Variants in GDA observed in about 807,000 individuals in gnomAD.
GDA encodes guanine deaminase, also known as cytoplasmic PSD-95 interactor.
In GDA, 18 loss-of-function variants were observed where a neutral mutation model predicts 59.6. That is an observed-to-expected ratio of 0.30 (90% CI 0.21 to 0.45). GDA has a LOEUF of 0.45. Ranked by LOEUF, GDA falls within the 20% of genes least tolerant of loss-of-function variation. The pLI is 1.00. For synonymous variants in GDA, 201 were observed against 201.1 expected, an observed-to-expected ratio of 1.00 and a Z score of 0.00; for missense variants, 427 against 552.3, an observed-to-expected ratio of 0.77 and a Z score of 2.27.
intron 2 of GDA, among the ~76,000 whole-genome samples, chr9:72,197,856 C>T (rs946508708): frequency 6.6e-6 from 1 of 152,130 alleles, no homozygotes; most frequent in Non-Finnish European, 1.5e-5. Context: ...CACAGTGTAT[C>T]TACAGGTCTA....
At chr9:72,206,483 A>G in intron 3 of GDA, among the ~76,000 whole-genome samples, 1 of 152,154 alleles carries the variant, frequency 6.6e-6, no homozygotes, top group African/African-American at 2.4e-5. Flanking sequence ...ACTTAATTTA[A>G]CAATGAGGGC....
In GDA at chr9:72,241,086, T is replaced by G. The variant is rs895692527; in HGVS notation, c.989-66T>G. The G allele has an allele frequency of 1.6e-5, 18 of 1,133,080 alleles. No homozygotes were observed. The East Asian group carries it at 4.0e-4, about 25-fold the overall frequency. The allele number at this position is 1,133,080 out of a possible 1,614,324, so 70.2% of individuals were successfully genotyped here. ...CTGAATATCTGTCATAAAAACAATG[T>G]TATATATGTATTATTCCATTTATCC... is the stretch of plus-strand genomic sequence containing the variant. On this transcript the variant is annotated intron_variant, in intron 10 of 13. Coordinates refer to ENST00000358399, the MANE Select transcript of GDA (RefSeq NM_004293.5).
chr9:72,199,033 C>G (rs1173117790), intron 2 of GDA, among the ~76,000 whole-genome samples: 1 of 152,090 alleles, frequency 6.6e-6, no homozygotes, highest in Non-Finnish European at 1.5e-5. Flanking sequence ...CTGCTGCCTT[C>G]AGATCTCTTC....
chr9:72,187,710 T>C (rs1295692509), intron 1 of GDA, among the ~76,000 whole-genome samples: 1 of 152,152 alleles, frequency 6.6e-6, no homozygotes, highest in Non-Finnish European at 1.5e-5. Flanking sequence ...AAATGGAGCA[T>C]TGAAAGTGAT....
chr9:72,159,292 G>T (rs1465179097), intron 1 of GDA, among the ~76,000 whole-genome samples: 2 of 152,168 alleles, frequency 1.3e-5, no homozygotes, highest in Non-Finnish European at 2.9e-5. Flanking sequence ...TACTCAGGAG[G>T]CTGAGGGGGA....
chr9:72,255,615 G>A (rs368574457), downstream of GDA, among the ~76,000 whole-genome samples: 219 of 152,322 alleles, frequency 1.4e-3, no homozygotes, highest in African/African-American at 5.0e-3. Context: ...GTGGAACTAT[G>A]AAAGATGAAT....
chr9:72,143,016 G>A (rs1051515381), intron 1 of GDA, among the ~76,000 whole-genome samples: 1 of 151,668 alleles, frequency 6.6e-6, no homozygotes, highest in African/African-American at 2.4e-5. Context: ...TGATCCACCT[G>A]CCTCGGCCTC....
chr9:72,220,732 G>A (rs1836749841), intron 6 of GDA, among the ~76,000 whole-genome samples: 2 of 152,110 alleles, frequency 1.3e-5, no homozygotes, highest in Admixed American at 1.3e-4. Flanking sequence ...CTCAACATTG[G>A]CTCTGGCCAC....
At chr9:72,206,238 C>A (rs189151701) in intron 3 of GDA, among the ~76,000 whole-genome samples, 126 of 152,102 alleles carry the variant, frequency 8.3e-4, no homozygotes, top group African/African-American at 2.9e-3. Flanking sequence ...TGTTAAAAGT[C>A]TTGAACACTT....
rs186367206 is a variant in GDA at position 72,227,341 on chromosome 9, A to T, written c.823-602A>T. Among the ~76,000 whole-genome samples the T allele has an allele frequency of 8.5e-5, 13 of 152,354 alleles. No individual in the cohort carries two copies. In the East Asian group the frequency reaches 2.5e-3, roughly 29 times the overall value. ...TACTTTCTGAATTAATGATTATAAG[A>T]TGTTAAATTTCCTAGTTTTTATGAA... On this transcript the variant is annotated intron_variant, in intron 8 of 13. Transcript: ENST00000358399.
At chr9:72,259,107 C>T (rs2131915156), downstream of GDA, among the ~76,000 whole-genome samples, 1 of 151,790 alleles carries the variant, frequency 6.6e-6, no homozygotes, top group African/African-American at 2.4e-5. Context: ...TCACTGCAAC[C>T]TCTGCCTCCC....
At chr9:72,230,304 C>T (rs1265108095) in intron 9 of GDA, among the ~76,000 whole-genome samples, 1 of 151,984 alleles carries the variant, frequency 6.6e-6, no homozygotes, top group Non-Finnish European at 1.5e-5. Context: ...ACCAGCCTGA[C>T]CAACATGGCG....
At chr9:72,196,418 C>G (rs1833186375) in intron 2 of GDA, among the ~76,000 whole-genome samples, 1 of 148,334 alleles carries the variant, frequency 6.7e-6, no homozygotes, top group Non-Finnish European at 1.5e-5. Context: ...GCCCGGGGGG[C>G]AGAGGTTGCA....
chr9:72,161,476 T>C (rs1197431374), intron 1 of GDA, among the ~76,000 whole-genome samples: 1 of 146,592 alleles, frequency 6.8e-6, no homozygotes, highest in Non-Finnish European at 1.5e-5. Flanking sequence ...ATGTGGTTAC[T>C]GGGAGCTGTA....
chr9:72,163,734 C>T (rs1238097814), intron 1 of GDA, among the ~76,000 whole-genome samples: 1 of 152,152 alleles, frequency 6.6e-6, no homozygotes, highest in Non-Finnish European at 1.5e-5. Context: ...CCTTGTGATC[C>T]ACCTGTGTGG....
chr9:72,229,337 C>T (rs907243103), intron 9 of GDA, among the ~76,000 whole-genome samples: 3 of 151,960 alleles, frequency 2.0e-5, no homozygotes, highest in Non-Finnish European at 4.4e-5. Flanking sequence ...GGCGACAGAG[C>T]AAGACTCCAT....
chr9:72,175,258 C>T (rs1384936615), intron 1 of GDA, among the ~76,000 whole-genome samples: 1 of 152,132 alleles, frequency 6.6e-6, no homozygotes, highest in Non-Finnish European at 1.5e-5. Flanking sequence ...CCTTGAACTC[C>T]TGAGCTCAAG....
intron 10 of GDA, among the ~76,000 whole-genome samples, chr9:72,237,673 C>T (rs1348452951): frequency 6.6e-6 from 1 of 152,182 alleles, no homozygotes; most frequent in Non-Finnish European, 1.5e-5. Context: ...TTAGACCCCT[C>T]CTGAAGGAAC....
intron 1 of GDA, among the ~76,000 whole-genome samples, chr9:72,166,555 TA>T (rs1343019716): frequency 2.6e-5 from 4 of 152,070 alleles, no homozygotes; most frequent in African/African-American, 9.7e-5. Context: ...ATAGAAATAA[TA>T]AATACTCAAG....
Sources: gnomAD v4.1 joint callset for allele counts (sites outside exome capture counted in the v4.1 genomes callset) on GRCh38, gnomAD v4.1.1 for gene constraint, MANE v1.5 for transcripts, NCBI Gene and HGNC (gene_info 2026-07-23, HGNC 2026-07-21) for gene names.